GRID2: variants seen among roughly 807,000 people sequenced by gnomAD.
GRID2 encodes the protein glutamate receptor ionotropic, delta-2.
A neutral mutation model predicts 114.8 loss-of-function variants in GRID2; 33 were observed. The observed-to-expected ratio is 0.29, with a 90% CI of 0.22 to 0.38. The LOEUF is 0.38. Ranked by LOEUF, GRID2 falls within the 10% of genes least tolerant of loss-of-function variation. The pLI, the probability that GRID2 is intolerant of heterozygous loss-of-function variation, is 1.00. For synonymous variants in GRID2, 505 were observed against 449.9 expected, an observed-to-expected ratio of 1.12 and a Z score of -1.55; for missense variants, 1,184 against 1,257.7, an observed-to-expected ratio of 0.94 and a Z score of 0.89.
chr4:93,060,974 G>A (rs1303970148), intron 2 of GRID2, among the ~76,000 whole-genome samples: 2 of 151,922 alleles, frequency 1.3e-5, no homozygotes, highest in East Asian at 1.9e-4. Flanking sequence ...GTGGTGGCAT[G>A]TGCCTGTAAT....
intron 2 of GRID2, among the ~76,000 whole-genome samples, chr4:92,656,924 G>A (rs1159240116): frequency 6.6e-6 from 1 of 151,598 alleles, no homozygotes; most frequent in East Asian, 1.9e-4. Flanking sequence ...ATGTTCTGAA[G>A]CAAAGGAATA....
At chr4:93,529,833 C>A (rs1170018483) in intron 13 of GRID2, among the ~76,000 whole-genome samples, 1 of 152,090 alleles carries the variant, frequency 6.6e-6, no homozygotes, top group Non-Finnish European at 1.5e-5. Flanking sequence ...ATTTTAGGAA[C>A]AAAACAATAC....
At chr4:93,621,084 T>G (rs989006185) in intron 13 of GRID2, among the ~76,000 whole-genome samples, 4 of 152,186 alleles carry the variant, frequency 2.6e-5, no homozygotes, top group Admixed American at 6.5e-5. Context: ...CTTATAGACT[T>G]AACCTTCAGG....
intron 10 of GRID2, among the ~76,000 whole-genome samples, chr4:93,426,884 A>G (rs1347648131): frequency 6.6e-6 from 1 of 152,108 alleles, no homozygotes; most frequent in Non-Finnish European, 1.5e-5. Flanking sequence ...TATTTTGTTC[A>G]ACCGGATATT....
chr4:93,223,666 T>G (rs1745151449), intron 6 of GRID2, among the ~76,000 whole-genome samples: 1 of 152,184 alleles, frequency 6.6e-6, no homozygotes, highest in Admixed American at 6.6e-5. Context: ...CATCACTACA[T>G]TGATTCCTCA....
intron 13 of GRID2, among the ~76,000 whole-genome samples, chr4:93,598,902 T>G (rs1025364812): frequency 6.6e-6 from 1 of 152,178 alleles, no homozygotes; most frequent in Admixed American, 6.6e-5. Context: ...ACTGTAATTA[T>G]TTTTTATTTA....
At chr4:93,325,097 C>T (rs1757684754) in intron 8 of GRID2, among the ~76,000 whole-genome samples, 1 of 152,084 alleles carries the variant, frequency 6.6e-6, no homozygotes, top group African/African-American at 2.4e-5. Context: ...TGTGTTTGCT[C>T]TTGCTTCTCT....
rs535122931 is a variant in GRID2 at position 93,180,613 on chromosome 4, C to T, written c.736-26791C>T. Among the ~76,000 whole-genome samples the T allele has an allele frequency of 4.2e-3, 636 of 152,252 alleles. 8 individuals are homozygous for T. The highest frequency in any genetic ancestry group is 0.015 in the African/African-American group (613 of 41,548). On this transcript the variant is annotated intron_variant, in intron 4 of 15. Transcript: ENST00000282020. ...GAAGAACTTCTGTCAAAATTGGAGT[C>T]TATCCTCTCAACCTTGCTGCTGCTT...
intron 2 of GRID2, among the ~76,000 whole-genome samples, chr4:92,927,862 T>G (rs1490440197): frequency 6.6e-6 from 1 of 151,754 alleles, no homozygotes; most frequent in Non-Finnish European, 1.5e-5. Flanking sequence ...TTTTTGCATT[T>G]TTTTGGATGT....
At chr4:92,481,980 TGA>T (rs1722616887) in intron 1 of GRID2, among the ~76,000 whole-genome samples, 1 of 47,666 alleles carries the variant, frequency 2.1e-5, no homozygotes, top group Non-Finnish European at 4.3e-5. Flanking sequence ...GAATAAAATG[TGA>T]TATATATATA....
chr4:93,293,261 A>C (rs1753936707), intron 8 of GRID2, among the ~76,000 whole-genome samples: 1 of 152,190 alleles, frequency 6.6e-6, no homozygotes, highest in South Asian at 2.1e-4. Flanking sequence ...TCCACCAGTC[A>C]CAGGAGCATT....
chr4:93,446,516 T>C (rs1483139768), intron 10 of GRID2, among the ~76,000 whole-genome samples: 2 of 151,988 alleles, frequency 1.3e-5, no homozygotes, highest in Admixed American at 6.6e-5. Context: ...AAATACCTAA[T>C]AGAGATCAGG....
At chr4:93,703,607 T>C (rs1195910487) in intron 14 of GRID2, among the ~76,000 whole-genome samples, 1 of 151,390 alleles carries the variant, frequency 6.6e-6, no homozygotes, top group African/African-American at 2.4e-5. Context: ...AACTCGTCAT[T>C]TAACATTAGG....
chr4:92,582,955 C>G (rs1433612928), intron 1 of GRID2, among the ~76,000 whole-genome samples: 1 of 151,904 alleles, frequency 6.6e-6, no homozygotes, highest in Non-Finnish European at 1.5e-5. Context: ...TAATTACACT[C>G]TAGCCTGGGT....
chr4:93,302,502 A>G (rs72874996), intron 8 of GRID2: 10,372 of 451,716 alleles, frequency 0.023, 912 homozygotes, highest in African/African-American at 0.19. Flanking sequence ...CGAACATAAT[A>G]TTCATGTTTT....
intron 1 of GRID2, among the ~76,000 whole-genome samples, chr4:92,485,503 T>A (rs1006620877): frequency 6.6e-6 from 1 of 150,478 alleles, no homozygotes; most frequent in Non-Finnish European, 1.5e-5. Context: ...AGTTCAAGAC[T>A]AGCCTGTAAA....
chr4:92,473,838 G>A (rs1205701481), intron 1 of GRID2, among the ~76,000 whole-genome samples: 4 of 151,720 alleles, frequency 2.6e-5, no homozygotes, highest in Non-Finnish European at 4.4e-5. Context: ...CTTTATTGAT[G>A]TATGATTGAA....
intron 1 of GRID2, among the ~76,000 whole-genome samples, chr4:92,494,157 T>G (rs1330114257): frequency 6.6e-6 from 1 of 152,142 alleles, no homozygotes; most frequent in Non-Finnish European, 1.5e-5. Flanking sequence ...ACCAAGATTT[T>G]TCTTCCCCAT....
chr4:93,450,816 T>C (rs892348350), intron 10 of GRID2, among the ~76,000 whole-genome samples: 5 of 152,050 alleles, frequency 3.3e-5, no homozygotes, highest in African/African-American at 1.2e-4. Context: ...TATTTTGTAA[T>C]ATATTGAATT....
Sources: gnomAD v4.1 joint callset for allele counts (sites outside exome capture counted in the v4.1 genomes callset) on GRCh38, gnomAD v4.1.1 for gene constraint, MANE v1.5 for transcripts, NCBI Gene and HGNC (gene_info 2026-07-23, HGNC 2026-07-21) for gene names.